GRID2: variants seen among roughly 807,000 people sequenced by gnomAD.
GRID2 encodes the protein glutamate receptor ionotropic, delta-2.
GRID2 carries 33 observed loss-of-function variants against 114.8 expected under a neutral mutation model. That is an observed-to-expected ratio of 0.29 (90% CI 0.22 to 0.38). The LOEUF (loss-of-function observed/expected upper bound fraction) is 0.38. GRID2 is among the 10% of genes least tolerant of loss of function. The probability of loss-of-function intolerance (pLI) is 1.00; values close to 1 mark genes in which losing one functional copy is unlikely to be tolerated. For synonymous variants in GRID2, 505 were observed against 449.9 expected, an observed-to-expected ratio of 1.12 and a Z score of -1.55; for missense variants, 1,184 against 1,257.7, an observed-to-expected ratio of 0.94 and a Z score of 0.89.
At chr4:92,518,533 T>C (rs367790763) in intron 1 of GRID2, among the ~76,000 whole-genome samples, 9 of 151,816 alleles carry the variant, frequency 5.9e-5, no homozygotes, top group African/African-American at 2.2e-4. Flanking sequence ...AAATGGTGGA[T>C]GCCAGAGGAT....
intron 2 of GRID2, among the ~76,000 whole-genome samples, chr4:93,030,525 C>T (rs1346009855): frequency 2.0e-5 from 3 of 151,984 alleles, no homozygotes; most frequent in East Asian, 1.9e-4. Context: ...GCAGGGATTA[C>T]AGGCATGCAC....
At chr4:92,850,140 C>T (rs1743662162) in intron 2 of GRID2, among the ~76,000 whole-genome samples, 1 of 151,140 alleles carries the variant, frequency 6.6e-6, no homozygotes, top group Non-Finnish European at 1.5e-5. Context: ...CAAAGTTTAT[C>T]AGCACTAAGA....
chr4:92,553,060 T>C (rs79589532), intron 1 of GRID2, among the ~76,000 whole-genome samples: 8 of 152,284 alleles, frequency 5.3e-5, no homozygotes, highest in African/African-American at 1.9e-4. Flanking sequence ...ATATCACCTA[T>C]AGGATGAGTC....
intron 5 of GRID2, among the ~76,000 whole-genome samples, chr4:93,210,476 G>A (rs1204915290): frequency 6.6e-6 from 1 of 152,120 alleles, no homozygotes; most frequent in African/African-American, 2.4e-5. Flanking sequence ...GTATCATGCT[G>A]TTTTGGTTAG....
At chr4:93,457,180 G>A (rs1244743455) in intron 11 of GRID2, among the ~76,000 whole-genome samples, 3 of 152,116 alleles carry the variant, frequency 2.0e-5, no homozygotes, top group Non-Finnish European at 4.4e-5. Context: ...TCTGTGGTAG[G>A]ATAAGCATAG....
intron 2 of GRID2, among the ~76,000 whole-genome samples, chr4:92,632,929 T>A (rs1423041795): frequency 1.3e-5 from 2 of 152,162 alleles, no homozygotes; most frequent in Non-Finnish European, 2.9e-5. Flanking sequence ...CTAGTATCTA[T>A]AAGAATATAA....
At chr4:93,364,541 A>G (rs1289758353) in intron 8 of GRID2, among the ~76,000 whole-genome samples, 1 of 152,076 alleles carries the variant, frequency 6.6e-6, no homozygotes, top group Non-Finnish European at 1.5e-5. Context: ...GTGTAATCAT[A>G]GCTCACCGTA....
At chr4:93,470,220 T>G (rs939955201) in intron 11 of GRID2, among the ~76,000 whole-genome samples, 8 of 152,068 alleles carry the variant, frequency 5.3e-5, no homozygotes, top group African/African-American at 1.9e-4. Flanking sequence ...GATGGACACT[T>G]TTAAGTCGGA....
chr4:92,520,051 G>T, intron 1 of GRID2, among the ~76,000 whole-genome samples: 1 of 151,756 alleles, frequency 6.6e-6, no homozygotes, highest in Non-Finnish European at 1.5e-5. Context: ...ACACAAAAAA[G>T]TAACCTTTAC....
rs566240277 is a variant in GRID2 at position 92,714,243 on chromosome 4, C to A, written c.244+123957C>A. ...ACTTTTAAAGCTCCAAAATTATCTC[C>A]TTTGACTCCATGTCTCACATCCAGG... On this transcript the variant is annotated intron_variant, in intron 2 of 15. Transcript: ENST00000282020. 2.1e-4 allele frequency among the ~76,000 whole-genome samples: 32 copies of A among 152,340 alleles called. No individual in the cohort carries two copies. In the South Asian group the frequency reaches 6.4e-3, roughly 31 times the overall value.
At chr4:93,741,291 C>T (rs1481111999) in intron 14 of GRID2, among the ~76,000 whole-genome samples, 1 of 148,886 alleles carries the variant, frequency 6.7e-6, no homozygotes, top group Non-Finnish European at 1.5e-5. Flanking sequence ...TTTTTAAATG[C>T]TCCTCATGTA....
chr4:92,591,403 T>C (rs1026642116), intron 2 of GRID2, among the ~76,000 whole-genome samples: 1 of 152,178 alleles, frequency 6.6e-6, no homozygotes, highest in Non-Finnish European at 1.5e-5. Context: ...ACTAAGAAAC[T>C]AGTCTACCTT....
At chr4:93,027,076 C>A (rs927293653) in intron 2 of GRID2, among the ~76,000 whole-genome samples, 2 of 151,946 alleles carry the variant, frequency 1.3e-5, no homozygotes, top group Non-Finnish European at 1.5e-5. Flanking sequence ...CGATCAACAC[C>A]ATTTTTTTGT....
chr4:92,606,962 G>T (rs1220031350), intron 2 of GRID2, among the ~76,000 whole-genome samples: 1 of 151,968 alleles, frequency 6.6e-6, no homozygotes, highest in Non-Finnish European at 1.5e-5. Context: ...CTTTAATGTT[G>T]CAGCAAAGGT....
intron 2 of GRID2, among the ~76,000 whole-genome samples, chr4:92,764,423 G>A (rs1456884868): frequency 6.6e-6 from 1 of 152,134 alleles, no homozygotes; most frequent in Non-Finnish European, 1.5e-5. Context: ...TTTTGAGAGT[G>A]AGCATGTGGA....
At chr4:93,220,884 G>T (rs1033129292) in intron 6 of GRID2, among the ~76,000 whole-genome samples, 6 of 152,154 alleles carry the variant, frequency 3.9e-5, no homozygotes. Flanking sequence ...TATCAAATTT[G>T]TAAATGGCAT....
At chr4:92,916,808 C>A (rs780093859) in intron 2 of GRID2, among the ~76,000 whole-genome samples, 3 of 152,030 alleles carry the variant, frequency 2.0e-5, no homozygotes, top group Non-Finnish European at 4.4e-5. Context: ...TGAATAGTGC[C>A]GCAATAAACA....
At chr4:92,991,029 T>C (rs961024392) in intron 2 of GRID2, among the ~76,000 whole-genome samples, 1 of 152,156 alleles carries the variant, frequency 6.6e-6, no homozygotes. Context: ...TGCCAAGAAT[T>C]ACACTAAACT....
intron 14 of GRID2, among the ~76,000 whole-genome samples, chr4:93,716,598 C>T (rs980780816): frequency 2.6e-5 from 4 of 151,618 alleles, no homozygotes; most frequent in African/African-American, 9.7e-5. Flanking sequence ...TTATTACTTA[C>T]AATATATATG....
Sources: allele counts gnomAD v4.1 joint callset (sites outside exome capture counted in the v4.1 genomes callset), GRCh38; gene constraint gnomAD v4.1.1; transcripts MANE v1.5; gene names NCBI Gene and HGNC (gene_info 2026-07-23, HGNC 2026-07-21).